The following PUDP variants were observed in gnomAD, a reference collection of about 807,000 sequenced individuals.
PUDP encodes pseudouridine-5'-phosphatase.
In PUDP, 8 loss-of-function variants were observed where a neutral mutation model predicts 9.4. The observed-to-expected ratio is 0.85, with a 90% CI of 0.50 to 1.53. The LOEUF (loss-of-function observed/expected upper bound fraction) is 1.53, where lower values mean the gene tolerates loss of function less well. Among genes scored for constraint, PUDP ranks in the 40% most tolerant of loss-of-function variants. The pLI, the probability that PUDP is intolerant of heterozygous loss-of-function variation, is 0.00. For missense variants in PUDP, 188 were observed against 189.7 expected (o/e 0.99, Z 0.05); for synonymous variants, 99 against 80.7 (o/e 1.23, Z -1.22).
chrX:6,895,018 A>G (rs1216156149), intron 3 of PUDP, among the ~76,000 whole-genome samples: 1 of 111,079 alleles, frequency 9.0e-6, no homozygotes, highest in Non-Finnish European at 1.9e-5. Flanking sequence ...GCTGACCACC[A>G]GAAAAGCCGA....
chrX:6,938,842 C>T (rs6639720), intron 3 of PUDP, among the ~76,000 whole-genome samples: 21,039 of 97,820 alleles, frequency 0.22, 1,921 homozygotes, highest in Admixed American at 0.36. Context: ...GGTATGAAGG[C>T]GAACATGACA....
chrX:6,807,203 C>G (rs1419819913), intron 3 of PUDP, among the ~76,000 whole-genome samples: 1 of 112,146 alleles, frequency 8.9e-6, no homozygotes, highest in African/African-American at 3.2e-5. Flanking sequence ...ATTCCTTTTG[C>G]TGCCTTTGTC....
rs17260108 is a variant in PUDP, at chrX:7,051,071, G to A, written c.511-599C>T. Among the ~76,000 whole-genome samples the A allele has an allele frequency of 9.5e-3, 1,058 of 111,453 alleles. 12 individuals carry two copies. Among genetic ancestry groups the A allele is most frequent in the Admixed American group, 0.016 (167 of 10,518 alleles). ...ACAGACACAACACCATCCAAAACCC[G>A]TGGTCTCTTCATTCAGATACCCACA... is the stretch of plus-strand genomic sequence containing the variant. On this transcript the variant is annotated intron_variant, in intron 3 of 3. Coordinates refer to ENST00000381077, the MANE Select transcript of PUDP (RefSeq NM_012080.5).
At chrX:7,021,765 C>T (rs746768966) in intron 1 of PUDP, among the ~76,000 whole-genome samples, 3 of 111,968 alleles carry the variant, frequency 2.7e-5, no homozygotes, top group African/African-American at 9.7e-5. Flanking sequence ...TGAGGACATT[C>T]GCTGGAATGT....
At chrX:6,729,358 C>T (rs1924782007) in intron 3 of PUDP, among the ~76,000 whole-genome samples, 1 of 111,939 alleles carries the variant, frequency 8.9e-6, no homozygotes, top group Admixed American at 9.4e-5. Context: ...CTTTCCGGAC[C>T]AAACCAATGT....
intron 1 of PUDP, among the ~76,000 whole-genome samples, chrX:6,985,934 A>G (rs764802457): frequency 1.6e-3 from 174 of 111,767 alleles, no homozygotes; most frequent in Admixed American, 5.7e-3. Flanking sequence ...TACAGGTCAC[A>G]AAGACCTTGC....
intron 1 of PUDP, chrX:7,116,862 T>A: frequency 1.8e-6 from 2 of 1,098,914 alleles, no homozygotes; most frequent in South Asian, 4.4e-5. Flanking sequence ...GAGCTCTTGC[T>A]CTGAGTTCAC....
chrX:6,923,205 C>T lies in PUDP; in HGVS notation c.*247+53928G>A, dbSNP rs1928051019. 2.7e-5 allele frequency among the ~76,000 whole-genome samples: 3 copies of T among 111,565 alleles called. No homozygotes were observed. The South Asian group carries it at 1.1e-3, about 43-fold the overall frequency. Reference sequence around the variant, plus strand: ...TGGATGGCCTTTCTCTGTGTGCTTCCTCCTATCCCTCTTAACAGGATGTCA... The same window carrying T: ...TGGATGGCCTTTCTCTGTGTGCTTCTTCCTATCCCTCTTAACAGGATGTCA... On this transcript the variant is annotated intron_variant and NMD_transcript_variant, in intron 3 of 3. Transcript: ENST00000655425.
chrX:6,710,300 G>A (rs1364124414), intron 1 of PUDP, among the ~76,000 whole-genome samples: 4 of 112,123 alleles, frequency 3.6e-5, no homozygotes, highest in African/African-American at 9.7e-5. Flanking sequence ...GCTGGAAGCA[G>A]GTAACACCTC....
chrX:7,121,368 G>A (rs752380793), intron 1 of PUDP, among the ~76,000 whole-genome samples: 10 of 111,483 alleles, frequency 9.0e-5, no homozygotes, highest in African/African-American at 3.3e-4. Context: ...CCTTCTTAGG[G>A]AGGAGGGGAT....
intron 2 of PUDP, among the ~76,000 whole-genome samples, chrX:7,087,061 TG>T (rs1381049372): frequency 9.0e-6 from 1 of 111,488 alleles, no homozygotes; most frequent in Non-Finnish European, 1.9e-5. Context: ...TAGGAAAGTA[TG>T]GGTGGAGGTG....
At chrX:7,131,785 G>A (rs1243462558) in intron 1 of PUDP, among the ~76,000 whole-genome samples, 4 of 105,596 alleles carry the variant, frequency 3.8e-5, no homozygotes, top group Non-Finnish European at 7.8e-5. Flanking sequence ...ATGGCTACGA[G>A]ATAAAATGTG....
intron 3 of PUDP, among the ~76,000 whole-genome samples, chrX:6,926,524 T>G (rs1370330711): frequency 2.7e-5 from 3 of 112,320 alleles, no homozygotes; most frequent in Admixed American, 9.4e-5. Flanking sequence ...GAACACTGAA[T>G]GTAACCCTTT....
At chrX:7,057,993 C>G (rs1375855761) in intron 3 of PUDP, among the ~76,000 whole-genome samples, 1 of 111,166 alleles carries the variant, frequency 9.0e-6, no homozygotes, top group African/African-American at 3.3e-5. Context: ...TGCTGCAAAT[C>G]CTGTCCCCGT....
intron 3 of PUDP, among the ~76,000 whole-genome samples, chrX:6,879,059 G>T (rs1927307253): frequency 1.8e-5 from 2 of 111,460 alleles, no homozygotes; most frequent in Middle Eastern, 4.6e-3. Context: ...AGTGTCTATT[G>T]AATAGCCTCC....
chrX:6,826,647 G>A (rs1251176577), intron 3 of PUDP, among the ~76,000 whole-genome samples: 1 of 112,144 alleles, frequency 8.9e-6, no homozygotes, highest in Non-Finnish European at 1.9e-5. Flanking sequence ...AGAAGAAAAT[G>A]TCAAGAACCT....
intron 1 of PUDP, among the ~76,000 whole-genome samples, chrX:7,008,423 G>A (rs1176519366): frequency 1.8e-5 from 2 of 110,688 alleles, no homozygotes; most frequent in Non-Finnish European, 3.8e-5. Flanking sequence ...ACACATAAAC[G>A]CCCAGGAACA....
intron 3 of PUDP, among the ~76,000 whole-genome samples, chrX:7,070,248 T>C (rs1930687570): frequency 8.9e-6 from 1 of 112,389 alleles, no homozygotes; most frequent in African/African-American, 3.2e-5. Context: ...GTGAAGGTCC[T>C]TGTTATTACG....
intron 1 of PUDP, among the ~76,000 whole-genome samples, chrX:7,122,658 C>T (rs1313393877): frequency 8.9e-6 from 1 of 111,791 alleles, no homozygotes; most frequent in Non-Finnish European, 1.9e-5. Flanking sequence ...AACAGCTATC[C>T]CGCGCAATTG....
Sources: gnomAD v4.1 joint callset for allele counts (sites outside exome capture counted in the v4.1 genomes callset) on GRCh38, gnomAD v4.1.1 for gene constraint, MANE v1.5 for transcripts, NCBI Gene and HGNC (gene_info 2026-07-23, HGNC 2026-07-21) for gene names.